MYOZ2: variants seen among roughly 807,000 people sequenced by gnomAD.
MYOZ2 encodes the protein myozenin 2.
In MYOZ2, 19 loss-of-function variants were observed where a neutral mutation model predicts 25.4. That is an observed-to-expected ratio of 0.75 (90% CI 0.52 to 1.10). MYOZ2 has a LOEUF of 1.10. Ranked by LOEUF, MYOZ2 falls within the 50% of genes least tolerant of loss-of-function variation. The pLI is 0.00. For synonymous variants in MYOZ2, 92 were observed against 106.9 expected (o/e 0.86, Z 0.86); for missense variants, 270 against 317.9 (o/e 0.85, Z 1.15).
At chr4:119,148,635 G>A (rs1741365639) in intron 2 of MYOZ2, among the ~76,000 whole-genome samples, 1 of 151,000 alleles carries the variant, frequency 6.6e-6, no homozygotes, top group Non-Finnish European at 1.5e-5. Context: ...TTACTATTGA[G>A]CCCATTCACT....
intron 5 of MYOZ2, among the ~76,000 whole-genome samples, chr4:119,171,148 CAA>C (rs1187252875): frequency 6.6e-6 from 1 of 151,752 alleles, no homozygotes; most frequent in Non-Finnish European, 1.5e-5. Flanking sequence ...AACAATAATA[CAA>C]GAGTAATAAA....
At chr4:119,175,678 G>C (rs1037242980) in intron 5 of MYOZ2, among the ~76,000 whole-genome samples, 1 of 151,910 alleles carries the variant, frequency 6.6e-6, no homozygotes, top group South Asian at 2.1e-4. Context: ...TTTGAACCCA[G>C]GAGACAGAGG....
rs193043941 is a variant in MYOZ2 at position 119,160,003 on chromosome 4, G to T, written c.376+1852G>T. Among the ~76,000 whole-genome samples, 356 of 152,226 alleles carry T rather than the reference G, an allele frequency of 2.3e-3. 3 individuals are homozygous for T. The highest frequency in any genetic ancestry group is 6.2e-3 in the South Asian group (30 of 4,830). On this transcript the variant is annotated intron_variant, in intron 4 of 5. Coordinates refer to ENST00000307128, the MANE Select transcript of MYOZ2 (RefSeq NM_016599.5). ...CTACATCATCAACCACATGAGAAAA[G>T]AAATAAGGTTTAGAATCAGACAGAT...
chr4:119,173,983 G>A (rs1288378889), intron 5 of MYOZ2, among the ~76,000 whole-genome samples: 3 of 152,338 alleles, frequency 2.0e-5, no homozygotes, highest in Middle Eastern at 3.4e-3. Flanking sequence ...GCCCACCGGC[G>A]CTGCACTTGA....
chr4:119,157,964 C>T, intron 3 of MYOZ2, 58 bp from the exon 4 acceptor site: 3 of 1,594,212 alleles, frequency 1.9e-6, no homozygotes, highest in East Asian at 2.2e-5. Flanking sequence ...TATATAGCTC[C>T]TATTATTGTG....
rs141097748 is a variant in MYOZ2, at chr4:119,156,263, A to C, written c.247-1759A>C. Among the ~76,000 whole-genome samples the C allele has an allele frequency of 4.7e-3, 720 of 151,842 alleles. 4 individuals carry two copies. The highest frequency in any genetic ancestry group is 0.017 in the African/African-American group (706 of 41,386). ...GGGAACTCCTATGATCAAAGATCAA[A>C]GGTAGAAAGGTGGAGAAACATACAA... On this transcript the variant is annotated intron_variant, in intron 3 of 5. Coordinates refer to ENST00000307128, the MANE Select transcript of MYOZ2 (RefSeq NM_016599.5).
At chr4:119,154,256 TG>T (rs1318238013) in intron 3 of MYOZ2, among the ~76,000 whole-genome samples, 2 of 152,180 alleles carry the variant, frequency 1.3e-5, no homozygotes, top group Non-Finnish European at 2.9e-5. Context: ...CTTCTATGCA[TG>T]TTTTTAATTT....
In MYOZ2 at chr4:119,186,197, A is replaced by G. The variant is rs1355854115; in HGVS notation, c.792A>G (p.Leu264=). 6 of 1,608,994 alleles carry G rather than the reference A, an allele frequency of 3.7e-6. No individual in the cohort carries two copies. Among genetic ancestry groups the G allele is most frequent in the South Asian group, 2.2e-5 (2 of 90,972 alleles). Residue 264 remains leucine, a synonymous_variant, in exon 6 of 6, where the codon CTA becomes CTG. Transcript: ENST00000307128. ...CCACTGTACCAGAATCAGAAGACCT[A>G]TGAAAAGAAAGTTGTATGTGCCACA... ...DDTTVPESED[L] is the part of the protein sequence containing the mutation.
intron 5 of MYOZ2, among the ~76,000 whole-genome samples, chr4:119,171,229 T>C (rs1001623868): frequency 6.6e-6 from 1 of 152,092 alleles, no homozygotes; most frequent in Non-Finnish European, 1.5e-5. Context: ...ATTATGTCCA[T>C]AGAAAATTTA....
At chr4:119,177,640 A>G (rs377217443) in intron 5 of MYOZ2, among the ~76,000 whole-genome samples, 28 of 152,036 alleles carry the variant, frequency 1.8e-4, no homozygotes, top group Non-Finnish European at 2.2e-4. Flanking sequence ...CTCATTATCA[A>G]ATTTGCCAGT....
chr4:119,173,260 TA>T (rs1741982860), intron 5 of MYOZ2, among the ~76,000 whole-genome samples: 1 of 152,176 alleles, frequency 6.6e-6, no homozygotes. Context: ...GAGGATGAAA[TA>T]GAAAAATCAT....
intron 5 of MYOZ2, among the ~76,000 whole-genome samples, chr4:119,167,060 T>C (rs1741839952): frequency 6.6e-6 from 1 of 152,162 alleles, no homozygotes. Flanking sequence ...AAGTCTCTCA[T>C]TTTAAATCAA....
At chr4:119,158,979 A>G (rs1388232611) in intron 4 of MYOZ2, among the ~76,000 whole-genome samples, 1 of 152,210 alleles carries the variant, frequency 6.6e-6, no homozygotes, top group African/African-American at 2.4e-5. Context: ...TTTATAACAT[A>G]AAGAATAAAT....
chr4:119,172,213 G>A (rs889383820), intron 5 of MYOZ2, among the ~76,000 whole-genome samples: 5 of 152,170 alleles, frequency 3.3e-5, no homozygotes, highest in African/African-American at 4.8e-5. Context: ...CCCCCCAAAG[G>A]GTTCTCCTTG....
rs796785947 is a variant in MYOZ2, at chr4:119,186,117, G to A, written c.712G>A (p.Gly238Arg). The A allele has an allele frequency of 3.1e-6, 5 of 1,613,694 alleles. No individual in the cohort carries two copies. Among genetic ancestry groups the A allele is most frequent in the Non-Finnish European group, 4.2e-6 (5 of 1,179,940 alleles). The change falls in exon 6 of 6, where the codon GGA becomes AGA. Residue 238 changes from glycine to arginine, a missense_variant. Transcript: ENST00000307128. ...GRRSFNRTPK[G>R]WISENIPIVI... ...ACGGTCCTTTAATAGGACTCCTAAG[G>A]GATGGATATCTGAGAATATTCCTAT...
chr4:119,164,270 A>G lies in MYOZ2; in HGVS notation c.436A>G (p.Lys146Glu). 6.2e-7 allele frequency: 1 copy of G among 1,614,020 alleles called. No individual in the cohort carries two copies. The change falls in exon 5 of 6, where the codon AAG becomes GAG. Residue 146 changes from lysine to glutamate, a missense_variant. By Grantham distance (56) the Lys-to-Glu change is moderately conservative. Transcript: ENST00000307128. Reference protein sequence around the residue: ...PEKFNTTAVPKYYQSPWEQAI... With the variant: ...PEKFNTTAVPEYYQSPWEQAI... The stretch of plus-strand genomic sequence containing the variant: ...AAAATTCAACACCACAGCTGTCCCT[A>G]AGTACTATCAATCTCCCTGGGAACA...
chr4:119,166,509 C>CAAAA (rs34894750), intron 5 of MYOZ2, among the ~76,000 whole-genome samples: 1 of 136,332 alleles, frequency 7.3e-6, no homozygotes. Flanking sequence ...GACCCTGTCT[C>CAAAA]AAAAAAAAAA....
At chr4:119,148,778 A>AAAC (rs1553957991) in intron 2 of MYOZ2, among the ~76,000 whole-genome samples, 2 of 140,818 alleles carry the variant, frequency 1.4e-5, no homozygotes, top group East Asian at 2.0e-4. Flanking sequence ...GCAAAAAAAA[A>AAAC]AAAAACCTTT....
chr4:119,136,188 A>T (rs1741018385), intron 1 of MYOZ2, among the ~76,000 whole-genome samples: 1 of 152,176 alleles, frequency 6.6e-6, no homozygotes, highest in African/African-American at 2.4e-5. Flanking sequence ...GGTACAAATG[A>T]AGGCCAGTGA....
Sources: gnomAD v4.1 joint callset for allele counts (sites outside exome capture counted in the v4.1 genomes callset) on GRCh38, gnomAD v4.1.1 for gene constraint, MANE v1.5 for transcripts, NCBI Gene and HGNC (gene_info 2026-07-23, HGNC 2026-07-21) for gene names.